Variants in PRKCE observed in about 807,000 individuals in gnomAD.
The protein encoded by PRKCE is protein kinase C epsilon.
In PRKCE, 16 loss-of-function variants were observed where a neutral mutation model predicts 85.4. The ratio of observed to expected loss-of-function variants is 0.19; its 90% CI spans 0.13 to 0.28. PRKCE has a LOEUF of 0.28. Among genes scored for constraint, PRKCE ranks in the 10% least tolerant of loss-of-function variants. PRKCE has a pLI of 1.00. For synonymous variants in PRKCE, 388 were observed against 371.5 expected, an observed-to-expected ratio of 1.04 and a Z score of -0.51; for missense variants, 573 against 975.2, an observed-to-expected ratio of 0.59 and a Z score of 5.49.
chr2:46,031,274 G>A (rs1204774715), intron 10 of PRKCE, among the ~76,000 whole-genome samples: 1 of 152,124 alleles, frequency 6.6e-6, no homozygotes, highest in East Asian at 1.9e-4. Flanking sequence ...CTCTCAGCCT[G>A]CTGTCTTCGA....
rs74670603 is a variant in PRKCE at position 45,802,045 on chromosome 2, T to G, written c.349-40955T>G. On this transcript the variant is annotated intron_variant, in intron 1 of 14. Transcript: ENST00000306156. The stretch of plus-strand genomic sequence containing the variant: ...CGAGAGGATCACTTGAGACCAGGAG[T>G]TCAAGAACAACCTGGGCAACATAAC... 8.2e-3 allele frequency among the ~76,000 whole-genome samples: 1,181 copies of G among 144,382 alleles called. 35 individuals are homozygous for G. The East Asian group carries it at 0.083, about 10-fold the overall frequency. The allele number at this position is 144,382 out of a possible 152,430, so 94.7% of individuals were successfully genotyped here. A position where few individuals can be genotyped will look rare whatever the true frequency, so the allele number is the denominator to read the frequency against.
chr2:45,692,166 A>C (rs1315505915), intron 1 of PRKCE, among the ~76,000 whole-genome samples: 1 of 152,148 alleles, frequency 6.6e-6, no homozygotes, highest in African/African-American at 2.4e-5. Context: ...AATAAGATGC[A>C]GCTCCCACCT....
At chr2:45,673,809 G>A (rs2103853981) in intron 1 of PRKCE, among the ~76,000 whole-genome samples, 1 of 152,280 alleles carries the variant, frequency 6.6e-6, no homozygotes, top group South Asian at 2.1e-4. Flanking sequence ...GTTCATCCTT[G>A]TTCTGTCTTT....
chr2:45,655,479 A>C (rs1249244956), intron 1 of PRKCE, among the ~76,000 whole-genome samples: 1 of 152,126 alleles, frequency 6.6e-6, no homozygotes, highest in East Asian at 1.9e-4. Flanking sequence ...GTAGACACTT[A>C]ACTAGCAATT....
rs984086875 is a variant in PRKCE at position 46,141,037 on chromosome 2, C to T, written c.1593-4056C>T. 2.6e-5 allele frequency among the ~76,000 whole-genome samples: 4 copies of T among 152,152 alleles called. No homozygotes were observed. In the East Asian group the frequency reaches 5.8e-4, roughly 22 times the overall value. On this transcript the variant is annotated intron_variant, in intron 11 of 14. Coordinates refer to ENST00000306156, the MANE Select transcript of PRKCE (RefSeq NM_005400.3). ...CGGAAGCAGGCACTGTCATATATTGCTGATGGACGTATAAATTGTTCTTCC... is the reference window on the plus strand; with the variant it reads ...CGGAAGCAGGCACTGTCATATATTGTTGATGGACGTATAAATTGTTCTTCC...
chr2:45,839,967 T>G (rs1000737308), intron 1 of PRKCE, among the ~76,000 whole-genome samples: 6 of 152,230 alleles, frequency 3.9e-5, no homozygotes, highest in Admixed American at 3.9e-4. Context: ...CTGATTGCTA[T>G]CTTGAATGTT....
chr2:46,074,121 G>A (rs1558423141), intron 10 of PRKCE: 1 of 152,234 alleles, frequency 6.6e-6, no homozygotes, highest in Middle Eastern at 3.4e-3. Context: ...CTGTTTATTG[G>A]GGGGTCAGCT....
chr2:46,052,561 C>A (rs1708920717), intron 10 of PRKCE, among the ~76,000 whole-genome samples: 1 of 152,206 alleles, frequency 6.6e-6, no homozygotes. Flanking sequence ...ATTAAAATGG[C>A]AGTTCTCCCC....
In PRKCE at chr2:46,085,586, T is replaced by TA. The variant is rs1669527586; in HGVS notation, c.1438-622_1438-621insA. The stretch of plus-strand genomic sequence containing the variant: ...ACTGTTTCACTCCAATCTCTGCCTC[T>TA]GTGGCCACTTGGCCTCCTCCTCCCT... On this transcript the variant is annotated intron_variant, in intron 10 of 14. Transcript: ENST00000306156. Among the ~76,000 whole-genome samples, 2 of 115,558 alleles carry TA rather than the reference T, an allele frequency of 1.7e-5. 1 individual carries two copies. Among genetic ancestry groups the TA allele is most frequent in the African/African-American group, 6.8e-5 (2 of 29,426 alleles). 75.8% of individuals were successfully genotyped at this position (115,558 alleles called of 152,430 possible).
chr2:45,686,482 T>C (rs1677308726), intron 1 of PRKCE: 1 of 152,230 alleles, frequency 6.6e-6, no homozygotes, highest in South Asian at 2.1e-4. Flanking sequence ...GCATATGATA[T>C]GCTTATATGC....
chr2:45,737,276 C>T (rs760499342), intron 1 of PRKCE, among the ~76,000 whole-genome samples: 2 of 152,234 alleles, frequency 1.3e-5, no homozygotes, highest in Non-Finnish European at 2.9e-5. Context: ...GGCTCACTTA[C>T]AGATTCCTCT....
At chr2:45,892,897 C>A (rs1319287140) in intron 2 of PRKCE, among the ~76,000 whole-genome samples, 1 of 152,022 alleles carries the variant, frequency 6.6e-6, no homozygotes, top group Non-Finnish European at 1.5e-5. Context: ...AGTAATGTAC[C>A]CCCCGGGGTT....
At chr2:45,770,303 C>A (rs1397653423) in intron 1 of PRKCE, among the ~76,000 whole-genome samples, 4 of 152,154 alleles carry the variant, frequency 2.6e-5, no homozygotes, top group Non-Finnish European at 5.9e-5. Flanking sequence ...AAAAACCATG[C>A]TTCCTCTGTC....
chr2:45,859,988 A>G (rs1438837016), intron 2 of PRKCE, among the ~76,000 whole-genome samples: 1 of 152,214 alleles, frequency 6.6e-6, no homozygotes, highest in East Asian at 1.9e-4. Context: ...ATTTTTATAC[A>G]TAATATACTT....
chr2:45,857,676 G>A (rs1197755009), intron 2 of PRKCE, among the ~76,000 whole-genome samples: 1 of 152,066 alleles, frequency 6.6e-6, no homozygotes, highest in African/African-American at 2.4e-5. Flanking sequence ...GCCTCCCAAA[G>A]TGCTGGGATT....
chr2:45,808,219 C>T (rs1688392592), intron 1 of PRKCE, among the ~76,000 whole-genome samples: 1 of 152,100 alleles, frequency 6.6e-6, no homozygotes, highest in Admixed American at 6.5e-5. Flanking sequence ...CTTTGCTTCC[C>T]CTTTAACATT....
rs755653708 is a variant in PRKCE at position 46,012,859 on chromosome 2, C to T, written c.1437+2342C>T. ...AGCACAAAATGGTGTTGAATAACACCAGGGATTTCTTTTATGGCAGAACAG... is the reference window on the plus strand; with the variant it reads ...AGCACAAAATGGTGTTGAATAACACTAGGGATTTCTTTTATGGCAGAACAG... On this transcript the variant is annotated intron_variant, in intron 10 of 14. Transcript: ENST00000306156. Among the ~76,000 whole-genome samples, 124 of 152,130 alleles carry T rather than the reference C, an allele frequency of 8.2e-4. 1 individual carries two copies. The highest frequency in any genetic ancestry group is 2.4e-4 in the Non-Finnish European group (16 of 68,026).
intron 1 of PRKCE, among the ~76,000 whole-genome samples, chr2:45,744,437 C>CTTT (rs1319344245): frequency 1.1e-4 from 5 of 44,954 alleles, no homozygotes; most frequent in African/African-American, 5.6e-4. Flanking sequence ...TTCTTTCTTT[C>CTTT]TTTCTTTCTT....
At chr2:46,135,942 T>G (rs1464082847) in intron 11 of PRKCE, among the ~76,000 whole-genome samples, 4 of 151,358 alleles carry the variant, frequency 2.6e-5, no homozygotes, top group Admixed American at 2.6e-4. Context: ...AAAAAACGTC[T>G]TTCTCTCAAG....
Sources: allele counts gnomAD v4.1 joint callset (sites outside exome capture counted in the v4.1 genomes callset), GRCh38; gene constraint gnomAD v4.1.1; transcripts MANE v1.5; gene names NCBI Gene and HGNC (gene_info 2026-07-23, HGNC 2026-07-21).